SLC25A40: variants seen among roughly 807,000 people sequenced by gnomAD.
SLC25A40 encodes the protein solute carrier family 25 member 40, also known as mitochondrial glutathione transporter SLC25A40.
A neutral mutation model predicts 46.5 loss-of-function variants in SLC25A40; 41 were observed. The ratio of observed to expected loss-of-function variants is 0.88; its 90% CI spans 0.69 to 1.14. SLC25A40 has a LOEUF of 1.14. Among genes scored for constraint, SLC25A40 ranks in the 50% most tolerant of loss-of-function variants. The pLI is 0.00. For missense variants in SLC25A40, 386 were observed against 393.6 expected (o/e 0.98, Z 0.16); for synonymous variants, 126 against 127.5 (o/e 0.99, Z 0.08).
At chr7:87,853,695 G>A (rs1179789297) in intron 5 of SLC25A40, among the ~76,000 whole-genome samples, 1 of 152,102 alleles carries the variant, frequency 6.6e-6, no homozygotes, top group African/African-American at 2.4e-5. Flanking sequence ...GGTTATATAT[G>A]TCATGATTCC....
At chr7:87,850,155 A>G (rs941733530) in intron 5 of SLC25A40, among the ~76,000 whole-genome samples, 3 of 152,208 alleles carry the variant, frequency 2.0e-5, no homozygotes, top group African/African-American at 4.8e-5. Flanking sequence ...AACTTCTTAC[A>G]GAATGAAGTC....
intron 1 of SLC25A40, among the ~76,000 whole-genome samples, chr7:87,868,132 G>T (rs1838834488): frequency 2.6e-5 from 4 of 152,108 alleles, no homozygotes; most frequent in African/African-American, 9.7e-5. Context: ...GTCGAGGGAG[G>T]AGGAATTCTC....
chr7:87,845,204 T>C (rs1172250713), intron 8 of SLC25A40, among the ~76,000 whole-genome samples: 1 of 152,144 alleles, frequency 6.6e-6, no homozygotes, highest in Non-Finnish European at 1.5e-5. Flanking sequence ...AACAGATCCA[T>C]GCATACATGA....
In SLC25A40 at chr7:87,835,964, ATAATAT is replaced by A. The variant is rs1838253078; in HGVS notation, c.*279_*284del. 3.8e-6 allele frequency: 1 copy of A among 265,516 alleles called. No individual in the cohort carries two copies. Among genetic ancestry groups the A allele is most frequent in the Non-Finnish European group, 7.0e-6 (1 of 142,162 alleles). The allele number at this position is 265,516 out of a possible 1,614,324, so 16.4% of individuals were successfully genotyped here. A position where few individuals can be genotyped will look rare whatever the true frequency, so the allele number is the denominator to read the frequency against. On this transcript the variant is annotated 3_prime_UTR_variant, in exon 12 of 12. Transcript: ENST00000341119. ...GTAAGATTATGTTACACTGAAACAT[ATAATAT>A]TAAACTTTCAAGAGACTGCTTTTGA...
At chr7:87,851,958 A>G (rs1187694612) in intron 5 of SLC25A40, among the ~76,000 whole-genome samples, 1 of 152,234 alleles carries the variant, frequency 6.6e-6, no homozygotes, top group Non-Finnish European at 1.5e-5. Context: ...AGATAGGCTT[A>G]AGTCCTACTC....
intron 7 of SLC25A40, 140 bp downstream of exon 7, chr7:87,847,713 T>C (rs868042882): frequency 6.4e-6 from 5 of 783,274 alleles, no homozygotes; most frequent in Middle Eastern, 4.0e-4. Flanking sequence ...ACCTATACTA[T>C]ATTAACAAAT....
chr7:87,849,854 T>A lies in SLC25A40; in HGVS notation c.332+27A>T, dbSNP rs183297390. On this transcript the variant is annotated intron_variant, in intron 6 of 11. Coordinates refer to ENST00000341119, the MANE Select transcript of SLC25A40 (RefSeq NM_018843.4). ...GGATAAAATAACAATCATTATTTAG[T>A]AGAAAAAACATTAAATTTCAACTTA... The A allele has an allele frequency of 5.4e-6, 8 of 1,468,200 alleles. No homozygotes were observed. The African/African-American group carries it at 9.9e-5, about 18-fold the overall frequency. 90.9% of individuals were successfully genotyped at this position (1,468,200 alleles called of 1,614,324 possible). A position where few individuals can be genotyped will look rare whatever the true frequency, so the allele number is the denominator to read the frequency against.
At chr7:87,862,253 A>G (rs73706942) in intron 1 of SLC25A40, among the ~76,000 whole-genome samples, 1,750 of 152,244 alleles carry the variant, frequency 0.011, 37 homozygotes, top group African/African-American at 0.04. Flanking sequence ...CTCTAACAAA[A>G]TATCTCTTGG....
At chr7:87,853,801 T>C (rs1027572935) in intron 5 of SLC25A40, among the ~76,000 whole-genome samples, 1 of 152,084 alleles carries the variant, frequency 6.6e-6, no homozygotes, top group African/African-American at 2.4e-5. Flanking sequence ...ACAACGGAAA[T>C]GGGTGTGGCT....
intron 1 of SLC25A40, among the ~76,000 whole-genome samples, chr7:87,869,846 T>C (rs1490520804): frequency 6.6e-6 from 1 of 152,222 alleles, no homozygotes; most frequent in Non-Finnish European, 1.5e-5. Context: ...AAATGGTAAA[T>C]GTATGTTTAA....
intron 11 of SLC25A40, 142 bp downstream of exon 11, chr7:87,836,588 T>G (rs1838260698): frequency 1.8e-6 from 1 of 547,806 alleles, no homozygotes; most frequent in East Asian, 3.4e-5. Context: ...ATTTAACATT[T>G]ATTTTAACTT....
chr7:87,868,805 G>T (rs1266581690), intron 1 of SLC25A40, among the ~76,000 whole-genome samples: 1 of 152,100 alleles, frequency 6.6e-6, no homozygotes, highest in African/African-American at 2.4e-5. Context: ...TCATGATGTA[G>T]GCCTACTTAA....
At position 87,835,103 on chromosome 7, in the gene SLC25A40, T is replaced by C. The variant is rs1584319673; in HGVS notation, c.*1146A>G. 6.6e-6 allele frequency: 1 copy of C among 151,370 alleles called. No individual in the cohort carries two copies. Among genetic ancestry groups the C allele is most frequent in the East Asian group, 1.9e-4 (1 of 5,196 alleles). 9.4% of individuals were successfully genotyped at this position (151,370 alleles called of 1,614,324 possible). On this transcript the variant is annotated 3_prime_UTR_variant, in exon 12 of 12. Transcript: ENST00000341119. ...TAGTGCTTTAAAAAATATATATATATAGGATATAGATCCTAAGAAAATAAA... is the reference window on the plus strand; with the variant it reads ...TAGTGCTTTAAAAAATATATATATACAGGATATAGATCCTAAGAAAATAAA...
intron 5 of SLC25A40, among the ~76,000 whole-genome samples, chr7:87,853,139 C>G (rs1838545375): frequency 6.6e-6 from 1 of 152,092 alleles, no homozygotes; most frequent in Non-Finnish European, 1.5e-5. Context: ...CAAAATTCAA[C>G]AGTAAAACTA....
chr7:87,840,342 G>GATCA (rs1838313042), intron 10 of SLC25A40, among the ~76,000 whole-genome samples: 2 of 151,712 alleles, frequency 1.3e-5, no homozygotes, highest in African/African-American at 4.8e-5. Context: ...AGTTTACTGA[G>GATCA]GGTGATGTCC....
At chr7:87,871,099 C>T (rs1838889360) in intron 1 of SLC25A40, among the ~76,000 whole-genome samples, 1 of 152,210 alleles carries the variant, frequency 6.6e-6, no homozygotes, top group African/African-American at 2.4e-5. Context: ...GCCCTAGCTT[C>T]TGCATCCACT....
Position 87,834,079 on chromosome 7 carries a change from G to GTT in SLC25A40, c.*2168_*2169dup, listed in dbSNP as rs1838228347. On this transcript the variant is annotated 3_prime_UTR_variant, in exon 12 of 12. Coordinates refer to ENST00000341119, the MANE Select transcript of SLC25A40 (RefSeq NM_018843.4). ...ATTTAACATTAATAGAATAAAAACT[G>GTT]TTTTAGAAACATCACCAAGAACACT... 1 of 151,810 alleles carries GTT rather than the reference G, an allele frequency of 6.6e-6. No individual in the cohort carries two copies. Among genetic ancestry groups the GTT allele is most frequent in the Non-Finnish European group, 1.5e-5 (1 of 67,876 alleles). The allele number at this position is 151,810 out of a possible 1,614,324, so 9.4% of individuals were successfully genotyped here. A position where few individuals can be genotyped will look rare whatever the true frequency, so the allele number is the denominator to read the frequency against.
In SLC25A40 at chr7:87,845,277, C is replaced by G. The variant is rs542076837; in HGVS notation, c.632-1414G>C. Among the ~76,000 whole-genome samples, 202 of 152,220 alleles carry G rather than the reference C, an allele frequency of 1.3e-3. 2 individuals are homozygous for G. The highest frequency in any genetic ancestry group is 2.2e-3 in the Non-Finnish European group (148 of 68,020). ...AAGCAATTATGGTTATTCAATAGAT[C>G]AGGGGTCCACGACCCCAGGGCTGAG... On this transcript the variant is annotated intron_variant, in intron 8 of 11. Transcript: ENST00000341119.
chr7:87,852,749 G>T (rs1169268415), intron 5 of SLC25A40, among the ~76,000 whole-genome samples: 3 of 151,854 alleles, frequency 2.0e-5, no homozygotes, highest in African/African-American at 7.3e-5. Context: ...TTTTAACAAA[G>T]GTGCAAAAAG....
Sources: gnomAD v4.1 joint callset for allele counts (sites outside exome capture counted in the v4.1 genomes callset) on GRCh38, gnomAD v4.1.1 for gene constraint, MANE v1.5 for transcripts, NCBI Gene and HGNC (gene_info 2026-07-23, HGNC 2026-07-21) for gene names.